Variants in ISG20L2 observed in about 807,000 individuals in gnomAD.
The protein encoded by ISG20L2 is interferon stimulated exonuclease gene 20 like 2.
ISG20L2 carries 14 observed loss-of-function variants against 27.8 expected under a neutral mutation model. That is an observed-to-expected ratio of 0.50 (90% CI 0.33 to 0.79). The LOEUF is 0.79. Ranked by LOEUF, ISG20L2 falls within the 30% of genes least tolerant of loss-of-function variation. ISG20L2 has a pLI of 0.02. For missense variants in ISG20L2, 393 were observed against 435.1 expected (o/e 0.90, Z 0.86); for synonymous variants, 157 against 165.7 (o/e 0.95, Z 0.40).
At chr1:156,723,610 C>T in intron 3 of ISG20L2, 148 bp from the exon 4 acceptor site, 1 of 1,454,830 alleles carries the variant, frequency 6.9e-7, no homozygotes, top group Non-Finnish European at 9.0e-7. Context: ...CTGGTGGGGT[C>T]CTACTCCTTA....
chr1:156,723,334 G>C lies in ISG20L2; in HGVS notation c.*15C>G, dbSNP rs771791024. On this transcript the variant is annotated 3_prime_UTR_variant, in exon 4 of 4. Transcript: ENST00000368219. ...CTGCCTCTGCCTCCTCATATCACCAGCGTCCCCACTGCCACTAGTCTGTAG... is the reference window on the plus strand; with the variant it reads ...CTGCCTCTGCCTCCTCATATCACCACCGTCCCCACTGCCACTAGTCTGTAG... The C allele has an allele frequency of 3.1e-6, 5 of 1,613,840 alleles. No homozygotes were observed. In the East Asian group the frequency reaches 8.9e-5, roughly 29 times the overall value.
intron 1 of ISG20L2, chr1:156,728,067 T>C (rs1200382827): frequency 1.0e-6 from 1 of 1,004,842 alleles, no homozygotes; most frequent in Non-Finnish European, 1.2e-6. Context: ...TCGAACCCTC[T>C]GAGTCTAAGA....
rs979208064 is a variant in ISG20L2, at chr1:156,728,766, T to C, written c.-469A>G. ...TCACTTCCGTAAGAGGAGAGGAGTG[T>C]ACGGCAAGGGGCGGGAACTGGAACT... On this transcript the variant is annotated 5_prime_UTR_variant, in exon 1 of 4. Transcript: ENST00000368219. 2.9e-6 allele frequency: 3 copies of C among 1,050,136 alleles called. No homozygotes were observed. The highest frequency in any genetic ancestry group is 3.5e-6 in the Non-Finnish European group (3 of 868,274). 65.1% of individuals were successfully genotyped at this position (1,050,136 alleles called of 1,614,324 possible).
intron 2 of ISG20L2, chr1:156,725,966 G>A: frequency 8.1e-6 from 8 of 985,466 alleles, no homozygotes; most frequent in Non-Finnish European, 9.6e-6. Context: ...GACCAAGGGC[G>A]CCCTCTGGCG....
chr1:156,724,533 T>TA (rs1648673772), intron 2 of ISG20L2, 185 bp from the exon 3 acceptor site: 1 of 1,408,816 alleles, frequency 7.1e-7, no homozygotes, highest in Non-Finnish European at 9.2e-7. Flanking sequence ...CTTCCACAGG[T>TA]GATTTCCATG....
At chr1:156,728,114 A>G (rs1648892836) in intron 1 of ISG20L2, 1 of 991,308 alleles carries the variant, frequency 1.0e-6, no homozygotes, top group East Asian at 1.1e-4. Context: ...CGCCTAGGAA[A>G]GGAACATCTA....
At chr1:156,725,773 T>A (rs1648725730) in intron 2 of ISG20L2, 1 of 709,100 alleles carries the variant, frequency 1.4e-6, no homozygotes, top group Middle Eastern at 7.2e-4. Context: ...CTTCTGCCTC[T>A]CCTATGCCTT....
Position 156,727,502 on chromosome 1 carries a change from C to T in ISG20L2, c.151G>A (p.Ala51Thr). ...LSKKNQPPSK[A>T]PKLHSEPSKK... ...GAAGGTTCAGAGTGCAACTTAGGCG[C>T]CTTGCTAGGGGGTTGGTTCTTTTTA... The change falls in exon 2 of 4, where the codon GCG becomes ACG. Residue 51 changes from alanine to threonine, a missense_variant. Ala to Thr is a moderately conservative substitution (Grantham distance 58). Transcript: ENST00000368219. 6.2e-7 allele frequency: 1 copy of T among 1,613,966 alleles called. No individual in the cohort carries two copies. Among genetic ancestry groups the T allele is most frequent in the South Asian group, 1.1e-5 (1 of 91,084 alleles).
In ISG20L2 at chr1:156,728,626, G is replaced by GT; in HGVS notation, c.-330dup. On this transcript the variant is annotated 5_prime_UTR_variant, in exon 1 of 4. Transcript: ENST00000368219. Reference sequence around the variant, plus strand: ...GGCGGCGGAGGAGGGGGCGGCGTGGGTGGGGGCGGGGGCGGGATGCGCTCC... The same window carrying GT: ...GGCGGCGGAGGAGGGGGCGGCGTGGGTTGGGGGCGGGGGCGGGATGCGCTCC... 1.0e-6 allele frequency: 1 copy of GT among 984,268 alleles called. No individual in the cohort carries two copies. The highest frequency in any genetic ancestry group is 1.2e-6 in the Non-Finnish European group (1 of 828,438). The allele number at this position is 984,268 out of a possible 1,614,324, so 61.0% of individuals were successfully genotyped here. A position where few individuals can be genotyped will look rare whatever the true frequency, so the allele number is the denominator to read the frequency against.
intron 2 of ISG20L2, chr1:156,724,776 T>C (rs764346899): frequency 2.1e-5 from 14 of 656,602 alleles, no homozygotes; most frequent in Non-Finnish European, 2.7e-5. Flanking sequence ...CAAAATTACA[T>C]GCAATTAGAT....
At chr1:156,724,609 C>G in intron 2 of ISG20L2, 3 of 1,230,244 alleles carry the variant, frequency 2.4e-6, no homozygotes, top group Non-Finnish European at 3.1e-6. Context: ...CACCCCATGA[C>G]ATTAATTTGC....
At chr1:156,723,639 A>G (rs1440945905) in intron 3 of ISG20L2, 177 bp from the exon 4 acceptor site, 8 of 985,248 alleles carry the variant, frequency 8.1e-6, no homozygotes, top group African/African-American at 5.2e-5. Flanking sequence ...CAGGGGTTCA[A>G]CTCCTAGGAA....
chr1:156,727,612 G>C lies in ISG20L2; in HGVS notation c.41C>G (p.Pro14Arg). The change falls in exon 2 of 4, where the codon CCT (proline) becomes CGT (arginine). Residue 14 changes from proline (P) to arginine (R), a missense_variant. Transcript: ENST00000368219. ...ATTTCCTTCTAATGCCTTTTTGGGA[G>C]GAGGTTCCCCAAAATCCAGATTGAG... The part of the protein sequence containing the change: ...LLLNLDFGEP[P>R]PKKALEGNAK... 4 of 1,613,860 alleles carry C rather than the reference G, an allele frequency of 2.5e-6. No homozygotes were observed. Among genetic ancestry groups the C allele is most frequent in the Non-Finnish European group, 3.4e-6 (4 of 1,179,954 alleles).
chr1:156,723,451 G>A lies in ISG20L2; in HGVS notation c.960C>T (p.Ser320=), dbSNP rs139546274. ...LLNRDIQVGK[S]GHSSVEDAQA... ...GGGCATCTTCCACAGAGGAATGTCC[G>A]CTCTTCCCAACCTGAGCAAGCAAGG... is the stretch of plus-strand genomic sequence containing the variant. The change falls in exon 4 of 4, where the codon AGC becomes AGT. Residue 320 remains serine, a synonymous_variant. Transcript: ENST00000368219. The A allele has an allele frequency of 2.6e-5, 42 of 1,613,882 alleles. No homozygotes were observed. The highest frequency in any genetic ancestry group is 1.6e-4 in the Middle Eastern group (1 of 6,084).
chr1:156,723,853 A>T, intron 3 of ISG20L2: 1 of 1,258,952 alleles, frequency 7.9e-7, no homozygotes, highest in Non-Finnish European at 1.0e-6. Context: ...CGTGTAAAAT[A>T]CGAGCGGTCC....
chr1:156,726,146 C>G (rs985067196), intron 2 of ISG20L2: 1 of 985,468 alleles, frequency 1.0e-6, no homozygotes, highest in Non-Finnish European at 1.2e-6. Flanking sequence ...CACTGGTTAC[C>G]TGTTCCAGTT....
At position 156,724,252 on chromosome 1, in the gene ISG20L2, C is replaced by A; in HGVS notation, c.844G>T (p.Asp282Tyr). 3 of 1,613,958 alleles carry A rather than the reference C, an allele frequency of 1.9e-6. No homozygotes were observed. The highest frequency in any genetic ancestry group is 2.5e-6 in the Non-Finnish European group (3 of 1,179,978). ...QYFHPKSLTR[D>Y]TSHIPPLNRK... is the part of the protein sequence containing the mutation. ...TTGAGGGGGGGGATATGGGAGGTGTCACGGGTGAGGGACTTGGGGTGAAAG... is the reference window on the plus strand; with the variant it reads ...TTGAGGGGGGGGATATGGGAGGTGTAACGGGTGAGGGACTTGGGGTGAAAG... The change falls in exon 3 of 4, where the codon GAC becomes TAC. Residue 282 changes from aspartate (D) to tyrosine (Y), a missense_variant. This residue lies in a region of ISG20L2 where 171 missense variants were observed against 195.3 expected (regional missense o/e 0.88). Transcript: ENST00000368219.
intron 1 of ISG20L2, chr1:156,728,079 G>A: frequency 4.0e-6 from 4 of 999,396 alleles, no homozygotes; most frequent in Non-Finnish European, 4.8e-6. Context: ...AGTCTAAGAG[G>A]CTAGAACACG....
At position 156,722,994 on chromosome 1, in the gene ISG20L2, T is replaced by A. The variant is rs377326647; in HGVS notation, c.*355A>T. ...AAAAGGAGACATATGTCCACCCAAG[T>A]GATAAGGCAGTTTGGGAAACTACAT... is the stretch of plus-strand genomic sequence containing the variant. On this transcript the variant is annotated 3_prime_UTR_variant, in exon 4 of 4. Transcript: ENST00000368219. The A allele has an allele frequency of 6.8e-4, 151 of 221,742 alleles. 1 individual carries two copies. In the South Asian group the frequency reaches 0.013, roughly 19 times the overall value. The allele number at this position is 221,742 out of a possible 1,614,324, so 13.7% of individuals were successfully genotyped here.
Sources: allele counts gnomAD v4.1 joint callset, GRCh38; gene constraint gnomAD v4.1.1; regional missense constraint gnomAD v4.1.1; transcripts MANE v1.5; gene names NCBI Gene and HGNC (gene_info 2026-07-23, HGNC 2026-07-21).